Variants in SEMA4D observed in about 807,000 individuals in gnomAD.
SEMA4D encodes semaphorin 4D.
Under a neutral mutation model 74.8 loss-of-function variants are expected in SEMA4D, and 22 were observed. The observed-to-expected ratio is 0.29, with a 90% confidence interval of 0.21 to 0.42. The LOEUF is 0.42. SEMA4D is among the 10% of genes least tolerant of loss of function. The pLI, the probability that SEMA4D is intolerant of heterozygous loss-of-function variation, is 1.00. For synonymous variants in SEMA4D, 445 were observed against 463.7 expected (o/e 0.96, Z 0.52); for missense variants, 937 against 1,118.4 (o/e 0.84, Z 2.31).
rs1564832883 is a variant in SEMA4D at position 89,450,659 on chromosome 9, G to GAAAAAAAAAAAAAAAAAAAAAA, written c.-244+5228_-244+5229insTTTTTTTTTTTTTTTTTTTTTT. On this transcript the variant is annotated intron_variant, in intron 2 of 15. Transcript: ENST00000422704. ...AGAGTTCTGCAAGTCGAAAAACCCA[G>GAAAAAAAAAAAAAAAAAAAAAA]GAAAAAAAAAAAAAAAAAAAAAAAA... 85 of 421,240 alleles carry GAAAAAAAAAAAAAAAAAAAAAA rather than the reference G, an allele frequency of 2.0e-4. 12 individuals carry two copies. The highest frequency in any genetic ancestry group is 2.5e-4 in the Non-Finnish European group (64 of 254,376). The allele number at this position is 421,240 out of a possible 1,614,324, so 26.1% of individuals were successfully genotyped here.
intron 16 of SEMA4D, among the ~76,000 whole-genome samples, chr9:89,370,991 CAG>C (rs551408843): frequency 5.1e-4 from 27 of 52,984 alleles, no homozygotes; most frequent in East Asian, 2.5e-3. Context: ...TGAGCTGTGT[CAG>C]GGGTATGTCG....
chr9:89,360,845 TTCA>T (rs1832707381), exon 19 of SEMA4D: 1 of 152,222 alleles, frequency 6.6e-6, no homozygotes, highest in Non-Finnish European at 1.5e-5. Flanking sequence ...GACTCAGAAA[TTCA>T]TCCTCATAAC....
chr9:89,398,208 A>G (rs745837835), intron 5 of SEMA4D, among the ~76,000 whole-genome samples: 18 of 152,078 alleles, frequency 1.2e-4, no homozygotes, highest in Non-Finnish European at 1.9e-4. Context: ...AACTACCCAC[A>G]GCCCACCCTG....
intron 2 of SEMA4D, among the ~76,000 whole-genome samples, chr9:89,440,947 C>A (rs1295983520): frequency 3.3e-5 from 5 of 152,236 alleles, no homozygotes; most frequent in African/African-American, 9.6e-5. Flanking sequence ...TGGACTACTG[C>A]AGCAAATTTC....
At chr9:89,397,777 G>C (rs1367115354) in intron 5 of SEMA4D, among the ~76,000 whole-genome samples, 1 of 152,218 alleles carries the variant, frequency 6.6e-6, no homozygotes, top group African/African-American at 2.4e-5. Flanking sequence ...AGAAAGTTTA[G>C]CATAGACTTC....
intron 1 of SEMA4D, among the ~76,000 whole-genome samples, chr9:89,483,959 A>C (rs1026524054): frequency 6.6e-6 from 1 of 152,244 alleles, no homozygotes; most frequent in Non-Finnish European, 1.5e-5. Context: ...ATCTCAGTTC[A>C]AACGTGGGCA....
chr9:89,429,223 T>C (rs1025796433), intron 2 of SEMA4D, among the ~76,000 whole-genome samples: 3 of 152,278 alleles, frequency 2.0e-5, no homozygotes, highest in Admixed American at 6.5e-5. Flanking sequence ...CACCAGGAGT[T>C]GTACCAGGCC....
chr9:89,450,098 G>T, intron 2 of SEMA4D: 3 of 1,216,492 alleles, frequency 2.5e-6, no homozygotes, highest in Non-Finnish European at 3.6e-6. Context: ...TTAACTGCAT[G>T]CCAATAGAAG....
chr9:89,443,628 C>A (rs1297182233), intron 2 of SEMA4D, among the ~76,000 whole-genome samples: 1 of 152,216 alleles, frequency 6.6e-6, no homozygotes, highest in African/African-American at 2.4e-5. Flanking sequence ...TCAGCTGCAC[C>A]CCACCCCATG....
At chr9:89,495,351 A>T (rs1324153861) in intron 1 of SEMA4D, among the ~76,000 whole-genome samples, 1 of 152,146 alleles carries the variant, frequency 6.6e-6, no homozygotes, top group Non-Finnish European at 1.5e-5. Flanking sequence ...CACCTAAAAC[A>T]CCACCCAGCT....
At chr9:89,371,422 TC>T (rs2132448406) in intron 16 of SEMA4D, among the ~76,000 whole-genome samples, 3 of 92,758 alleles carry the variant, frequency 3.2e-5, no homozygotes, top group Non-Finnish European at 4.4e-5. Context: ...GTGGTGTGTG[TC>T]TGGGGTGTGT....
intron 13 of SEMA4D, chr9:89,384,859 A>G: frequency 3.0e-6 from 3 of 985,370 alleles, no homozygotes; most frequent in Non-Finnish European, 3.6e-6. Flanking sequence ...TGCCATGGCC[A>G]TGGAGCTGGG....
intron 2 of SEMA4D, among the ~76,000 whole-genome samples, chr9:89,408,026 A>C (rs1774333912): frequency 6.6e-6 from 1 of 152,262 alleles, no homozygotes; most frequent in Non-Finnish European, 1.5e-5. Flanking sequence ...AAGAAGACTC[A>C]ATAAATTATA....
intron 1 of SEMA4D, among the ~76,000 whole-genome samples, chr9:89,495,355 C>A (rs756638982): frequency 3.9e-5 from 6 of 152,188 alleles, no homozygotes; most frequent in Non-Finnish European, 7.4e-5. Context: ...TAAAACACCA[C>A]CCAGCTTCCA....
At chr9:89,495,777 G>C (rs1039112730) in intron 1 of SEMA4D, among the ~76,000 whole-genome samples, 4 of 152,112 alleles carry the variant, frequency 2.6e-5, no homozygotes, top group Non-Finnish European at 2.9e-5. Context: ...AGGAGAATCT[G>C]CAACCACCCT....
intron 2 of SEMA4D, among the ~76,000 whole-genome samples, chr9:89,438,357 A>G (rs1850917323): frequency 6.6e-6 from 1 of 152,228 alleles, no homozygotes; most frequent in South Asian, 2.1e-4. Flanking sequence ...TTCAGGGTGG[A>G]GCACCTCCCA....
intron 2 of SEMA4D, among the ~76,000 whole-genome samples, chr9:89,435,848 G>T (rs1368428830): frequency 4.6e-5 from 7 of 152,204 alleles, no homozygotes; most frequent in Non-Finnish European, 1.5e-5. Context: ...GAGAAACTTC[G>T]AGATAAATGA....
chr9:89,402,967 G>A lies in SEMA4D; in HGVS notation c.156C>T (p.Ala52=), dbSNP rs1297905980. ...TGTCCTTGTCCTCGCTCAGCAGCAA[G>A]GCTGAGTAGTTGTAGATGTCTGGCT... ...FHEPDIYNYS[A]LLLSEDKDTL... The change falls in exon 4 of 16, where the codon GCC becomes GCT. Residue 52 remains alanine (A), a synonymous_variant. Transcript: ENST00000422704. The A allele has an allele frequency of 3.7e-6, 6 of 1,613,840 alleles. No homozygotes were observed. The South Asian group carries it at 5.5e-5, about 15-fold the overall frequency.
chr9:89,452,455 G>A (rs1447560235), intron 2 of SEMA4D, among the ~76,000 whole-genome samples: 1 of 150,344 alleles, frequency 6.7e-6, no homozygotes, highest in East Asian at 2.0e-4. Flanking sequence ...TGGGATTACA[G>A]GTGTGAGCCA....
Sources: gnomAD v4.1 joint callset for allele counts (sites outside exome capture counted in the v4.1 genomes callset) on GRCh38, gnomAD v4.1.1 for gene constraint, MANE v1.5 for transcripts, NCBI Gene and HGNC (gene_info 2026-07-23, HGNC 2026-07-21) for gene names.